The following CTNNA3 variants were observed in gnomAD, a reference collection of about 807,000 sequenced individuals.
The protein encoded by CTNNA3 is catenin alpha-3.
In CTNNA3, 76 loss-of-function variants were observed where a neutral mutation model predicts 95.7. That is an observed-to-expected ratio of 0.79 (90% CI 0.66 to 0.96). CTNNA3 has a LOEUF of 0.96. Among genes scored for constraint, CTNNA3 ranks in the 40% least tolerant of loss-of-function variants. CTNNA3 has a pLI of 0.00. For missense variants in CTNNA3, 1,191 were observed against 1,089.8 expected (o/e 1.09, Z -1.31); for synonymous variants, 431 against 374.4 (o/e 1.15, Z -1.74).
intron 11 of CTNNA3, among the ~76,000 whole-genome samples, chr10:66,426,256 CTG>C (rs1264429930): frequency 4.6e-5 from 7 of 152,088 alleles, no homozygotes; most frequent in African/African-American, 9.6e-5. Flanking sequence ...CTTGGAATGA[CTG>C]TGTCATAGGG....
intron 5 of CTNNA3, among the ~76,000 whole-genome samples, chr10:67,500,976 T>C (rs1227396430): frequency 6.6e-6 from 1 of 152,252 alleles, no homozygotes; most frequent in African/African-American, 2.4e-5. Context: ...TTAAGGTTAA[T>C]ATTGTTATGT....
intron 1 of CTNNA3, among the ~76,000 whole-genome samples, chr10:67,744,424 TG>T (rs1036603104): frequency 1.3e-5 from 2 of 151,106 alleles, no homozygotes; most frequent in Non-Finnish European, 3.0e-5. Context: ...ATTTAATAAA[TG>T]GTGCTGGGAA....
At chr10:67,338,900 C>T (rs1362223657) in intron 5 of CTNNA3, among the ~76,000 whole-genome samples, 1 of 152,178 alleles carries the variant, frequency 6.6e-6, no homozygotes. Context: ...ACCTATTCTT[C>T]AACCAATGAA....
chr10:65,984,972 G>A (rs1468101032), intron 16 of CTNNA3, among the ~76,000 whole-genome samples: 1 of 150,648 alleles, frequency 6.6e-6, no homozygotes, highest in Non-Finnish European at 1.5e-5. Context: ...TGTTTTAGCT[G>A]TAAATACTAA....
At chr10:66,791,928 C>T (rs1840986166) in intron 7 of CTNNA3, among the ~76,000 whole-genome samples, 2 of 151,902 alleles carry the variant, frequency 1.3e-5, no homozygotes, top group East Asian at 3.9e-4. Context: ...TGTACAACTG[C>T]AAAGTGTATA....
intron 1 of CTNNA3, among the ~76,000 whole-genome samples, chr10:67,711,568 A>AATTTCTTT (rs1554878498): frequency 0.012 from 1,624 of 134,070 alleles, 27 homozygotes; most frequent in African/African-American, 0.046. Context: ...TGGCAGAAGA[A>AATTTCTTT]ATTTATTTAT....
intron 12 of CTNNA3, among the ~76,000 whole-genome samples, chr10:66,313,811 T>C (rs977125629): frequency 1.3e-5 from 2 of 152,164 alleles, no homozygotes; most frequent in African/African-American, 4.8e-5. Flanking sequence ...CTGGTACACA[T>C]TTCACTCATT....
At chr10:67,508,938 A>T (rs979357927) in intron 5 of CTNNA3, among the ~76,000 whole-genome samples, 2 of 151,620 alleles carry the variant, frequency 1.3e-5, no homozygotes, top group Non-Finnish European at 2.9e-5. Flanking sequence ...GTGCAATGGC[A>T]TGATCTCAGC....
intron 10 of CTNNA3, among the ~76,000 whole-genome samples, chr10:66,552,110 A>G (rs1450651223): frequency 6.6e-6 from 1 of 151,758 alleles, no homozygotes; most frequent in Non-Finnish European, 1.5e-5. Context: ...TCATCGTGTT[A>G]GCCACGACGG....
chr10:66,193,928 A>C (rs941896948), intron 13 of CTNNA3, among the ~76,000 whole-genome samples: 3 of 152,226 alleles, frequency 2.0e-5, no homozygotes, highest in Non-Finnish European at 4.4e-5. Context: ...ATACACAGCC[A>C]AATAGCACTT....
intron 17 of CTNNA3, among the ~76,000 whole-genome samples, chr10:65,929,712 G>A (rs1211053676): frequency 1.3e-5 from 2 of 151,726 alleles, no homozygotes; most frequent in African/African-American, 4.8e-5. Flanking sequence ...GGGACTACAG[G>A]CACCCGCCAC....
At chr10:66,031,084 G>A (rs1195461745) in intron 15 of CTNNA3, among the ~76,000 whole-genome samples, 1 of 152,126 alleles carries the variant, frequency 6.6e-6, no homozygotes, top group African/African-American at 2.4e-5. Flanking sequence ...GTAGAGAAAA[G>A]GGAACACTTG....
intron 3 of CTNNA3, among the ~76,000 whole-genome samples, chr10:67,592,546 T>A (rs1028508240): frequency 2.6e-5 from 4 of 152,086 alleles, no homozygotes; most frequent in African/African-American, 9.7e-5. Context: ...AAAGGCACAG[T>A]ACCTTCAAGG....
At chr10:66,594,560 C>T (rs919004701) in intron 10 of CTNNA3, among the ~76,000 whole-genome samples, 1 of 152,110 alleles carries the variant, frequency 6.6e-6, no homozygotes, top group Non-Finnish European at 1.5e-5. Flanking sequence ...CATCTGGATG[C>T]TTTTGCATTT....
At chr10:67,605,260 C>T (rs902380376) in intron 3 of CTNNA3, among the ~76,000 whole-genome samples, 1 of 152,132 alleles carries the variant, frequency 6.6e-6, no homozygotes, top group African/African-American at 2.4e-5. Flanking sequence ...GTGGAATAAG[C>T]TAGACATAGA....
At chr10:66,895,054 C>CAA (rs537843933) in intron 7 of CTNNA3, among the ~76,000 whole-genome samples, 9,597 of 115,488 alleles carry the variant, frequency 0.083, 441 homozygotes, top group Middle Eastern at 0.11. Context: ...AACAAATAAA[C>CAA]AAAAAAAAAA....
At chr10:66,346,246 T>TATATATATATATATAGAGAG (rs1416945569) in intron 12 of CTNNA3, among the ~76,000 whole-genome samples, 3 of 27,782 alleles carry the variant, frequency 1.1e-4, no homozygotes, top group Non-Finnish European at 1.5e-4. Context: ...TATATATATA[T>TATATATATATATATAGAGAG]AGAGAGAGAG....
chr10:66,375,724 C>T (rs2092792076), intron 12 of CTNNA3, among the ~76,000 whole-genome samples: 1 of 152,196 alleles, frequency 6.6e-6, no homozygotes, highest in Middle Eastern at 3.4e-3. Flanking sequence ...AAATGAAATA[C>T]ATCTTAAAAC....
chr10:66,879,260 T>G (rs1358785382), intron 7 of CTNNA3, among the ~76,000 whole-genome samples: 1 of 152,126 alleles, frequency 6.6e-6, no homozygotes, highest in East Asian at 1.9e-4. Flanking sequence ...AACCATGAAC[T>G]TGCCTGGGCC....
Sources: gnomAD v4.1 joint callset for allele counts (sites outside exome capture counted in the v4.1 genomes callset) on GRCh38, gnomAD v4.1.1 for gene constraint, MANE v1.5 for transcripts, NCBI Gene and HGNC (gene_info 2026-07-23, HGNC 2026-07-21) for gene names.